Variants in TMEM117 observed in about 807,000 individuals in gnomAD.
The protein encoded by TMEM117 is transmembrane protein 117.
Under a neutral mutation model 52.4 loss-of-function variants are expected in TMEM117, and 27 were observed. That is an observed-to-expected ratio of 0.51 (90% CI 0.38 to 0.71). The LOEUF is 0.71. TMEM117 is among the 30% of genes least tolerant of loss of function. The pLI is 0.00. For synonymous variants in TMEM117, 215 were observed against 206.3 expected (o/e 1.04, Z -0.36); for missense variants, 556 against 630.5 (o/e 0.88, Z 1.26).
At chr12:44,216,341 C>G (rs1949718636) in intron 5 of TMEM117, among the ~76,000 whole-genome samples, 1 of 152,070 alleles carries the variant, frequency 6.6e-6, no homozygotes, top group African/African-American at 2.4e-5. Flanking sequence ...ATTGTGGAAG[C>G]CTGTGTCTAG....
At chr12:44,325,932 G>T (rs1437028328) in intron 6 of TMEM117, among the ~76,000 whole-genome samples, 1 of 152,158 alleles carries the variant, frequency 6.6e-6, no homozygotes, top group African/African-American at 2.4e-5. Flanking sequence ...TGTCCAAGGG[G>T]GGCAGATCTA....
intron 3 of TMEM117, among the ~76,000 whole-genome samples, chr12:43,946,073 A>G (rs149627115): frequency 1.6e-3 from 241 of 152,368 alleles, no homozygotes; most frequent in Middle Eastern, 3.4e-3. Context: ...ATACTTTGTA[A>G]TTATTTCTTG....
At chr12:44,256,923 C>T (rs1053961508) in intron 5 of TMEM117, among the ~76,000 whole-genome samples, 3 of 151,460 alleles carry the variant, frequency 2.0e-5, no homozygotes, top group Admixed American at 1.3e-4. Flanking sequence ...ATTATTTACA[C>T]ATATATGTTC....
intron 4 of TMEM117, among the ~76,000 whole-genome samples, chr12:44,164,802 A>G (rs566628145): frequency 7.2e-5 from 11 of 152,282 alleles, no homozygotes; most frequent in African/African-American, 2.2e-4. Flanking sequence ...TTGATATACA[A>G]TATTTGTACA....
the TMEM117 span, among the ~76,000 whole-genome samples, chr12:43,828,494 G>A: frequency 6.6e-6 from 1 of 152,216 alleles, no homozygotes; most frequent in African/African-American, 2.4e-5. Context: ...ACCCTTGAGA[G>A]GCAGAGAGAC....
the TMEM117 span, among the ~76,000 whole-genome samples, chr12:43,826,547 G>A: frequency 6.6e-6 from 1 of 152,142 alleles, no homozygotes; most frequent in Non-Finnish European, 1.5e-5. Flanking sequence ...CAGGGATATT[G>A]GTGGCTGCCT....
intron 7 of TMEM117, among the ~76,000 whole-genome samples, chr12:44,383,029 A>G (rs1952041388): frequency 6.6e-6 from 1 of 151,964 alleles, no homozygotes; most frequent in South Asian, 2.1e-4. Flanking sequence ...CTTATCCAAA[A>G]TTCATCTTCT....
chr12:44,341,445 T>A (rs970788896), intron 6 of TMEM117, among the ~76,000 whole-genome samples: 1 of 152,170 alleles, frequency 6.6e-6, no homozygotes. Context: ...AAGACATGAT[T>A]TCATTCTTTT....
At chr12:44,374,726 T>C (rs1038404258) in intron 6 of TMEM117, among the ~76,000 whole-genome samples, 3 of 151,812 alleles carry the variant, frequency 2.0e-5, no homozygotes, top group African/African-American at 7.3e-5. Flanking sequence ...CTAAAACCAA[T>C]TTCATACCCA....
chr12:43,918,671 G>C (rs1360662217), intron 2 of TMEM117, among the ~76,000 whole-genome samples: 1 of 152,130 alleles, frequency 6.6e-6, no homozygotes, highest in Non-Finnish European at 1.5e-5. Context: ...GACGCTTCCA[G>C]TGGGTCTTGT....
intron 3 of TMEM117, among the ~76,000 whole-genome samples, chr12:44,095,188 A>G (rs7967957): frequency 0.25 from 38,059 of 152,088 alleles, 8,440 homozygotes; most frequent in African/African-American, 0.6. Flanking sequence ...AATGCATATT[A>G]CACAAGCATG....
chr12:44,395,286 A>G, the TMEM117 span, among the ~76,000 whole-genome samples: 9 of 152,208 alleles, frequency 5.9e-5, no homozygotes, highest in African/African-American at 2.2e-4. Flanking sequence ...ATGGTCTCCA[A>G]AATGAATAGA....
chr12:43,991,457 C>G (rs938470904), intron 3 of TMEM117, among the ~76,000 whole-genome samples: 4 of 151,776 alleles, frequency 2.6e-5, no homozygotes. Context: ...ATCTATCTAT[C>G]TATCTATCTA....
chr12:44,076,699 C>A (rs565393466), intron 3 of TMEM117, among the ~76,000 whole-genome samples: 4 of 152,266 alleles, frequency 2.6e-5, no homozygotes, highest in African/African-American at 9.6e-5. Context: ...ATGGTAATTT[C>A]TGATTATGCA....
intron 3 of TMEM117, among the ~76,000 whole-genome samples, chr12:44,018,498 G>A (rs1946405981): frequency 6.6e-6 from 1 of 152,142 alleles, no homozygotes; most frequent in African/African-American, 2.4e-5. Context: ...AAGTAATTTA[G>A]AGACAATTGT....
At chr12:44,070,995 G>A (rs1016539906) in intron 3 of TMEM117, among the ~76,000 whole-genome samples, 4 of 152,192 alleles carry the variant, frequency 2.6e-5, no homozygotes, top group African/African-American at 9.7e-5. Context: ...AAAAGTTCCT[G>A]AGAATTCAGG....
At chr12:44,218,811 G>A (rs892120330) in intron 5 of TMEM117, among the ~76,000 whole-genome samples, 1 of 151,992 alleles carries the variant, frequency 6.6e-6, no homozygotes, top group South Asian at 2.1e-4. Flanking sequence ...TGTATTCCTG[G>A]TACTGGGCTT....
intron 3 of TMEM117, among the ~76,000 whole-genome samples, chr12:44,132,622 A>G (rs993479991): frequency 3.3e-5 from 5 of 152,174 alleles, no homozygotes; most frequent in African/African-American, 1.2e-4. Flanking sequence ...AGCTGAAACT[A>G]TGACCATCCC....
chr12:43,826,060 T>C, the TMEM117 span, among the ~76,000 whole-genome samples: 2 of 152,254 alleles, frequency 1.3e-5, no homozygotes, highest in African/African-American at 4.8e-5. Flanking sequence ...TCCATTGAAA[T>C]GCACCATCAA....
Sources: gnomAD v4.1 joint callset for allele counts (sites outside exome capture counted in the v4.1 genomes callset) on GRCh38, gnomAD v4.1.1 for gene constraint, MANE v1.5 for transcripts, NCBI Gene and HGNC (gene_info 2026-07-23, HGNC 2026-07-21) for gene names.